TSHZ1: variants seen among roughly 807,000 people sequenced by gnomAD.
TSHZ1 encodes the protein teashirt zinc finger homeobox 1.
TSHZ1 carries 12 observed loss-of-function variants against 67.1 expected under a neutral mutation model. That is an observed-to-expected ratio of 0.18 (90% CI 0.11 to 0.29). The LOEUF is 0.29. TSHZ1 is among the 10% of genes least tolerant of loss of function. The pLI is 1.00. For missense variants in TSHZ1, 1,305 were observed against 1,413.9 expected (o/e 0.92, Z 1.23); for synonymous variants, 632 against 622.4 (o/e 1.02, Z -0.23).
chr18:75,232,872 G>T (rs1053823559), intron 1 of TSHZ1, among the ~76,000 whole-genome samples: 1 of 152,254 alleles, frequency 6.6e-6, no homozygotes, highest in Non-Finnish European at 1.5e-5. Context: ...CAATACTTGG[G>T]TGAGGAAAGA....
rs1421199553 is a variant in TSHZ1 at position 75,211,382 on chromosome 18, C to T, written c.-495C>T. Reference sequence around the variant, plus strand: ...CGACCCGCGCACTAAAAACACTCGCCGCGACCCCCAAACAGCGAGGAGAGA... The same window carrying T: ...CGACCCGCGCACTAAAAACACTCGCTGCGACCCCCAAACAGCGAGGAGAGA... On this transcript the variant is annotated 5_prime_UTR_variant, in exon 1 of 2. Transcript: ENST00000580243. The T allele has an allele frequency of 6.6e-6, 1 of 151,880 alleles. No individual in the cohort carries two copies. Among genetic ancestry groups the T allele is most frequent in the African/African-American group, 2.4e-5 (1 of 41,376 alleles). 9.4% of individuals were successfully genotyped at this position (151,880 alleles called of 1,614,324 possible).
chr18:75,242,808 A>G (rs1414128561), intron 1 of TSHZ1, among the ~76,000 whole-genome samples: 1 of 152,236 alleles, frequency 6.6e-6, no homozygotes, highest in African/African-American at 2.4e-5. Flanking sequence ...GCCATAATGC[A>G]TGGTGTTTCC....
rs1441606506 is a variant in TSHZ1, at chr18:75,230,715, G to A, written c.40+18799G>A. The stretch of plus-strand genomic sequence containing the variant: ...ATGCGTGCGAAATTAAAGAGACGTC[G>A]TCTTCTTCCCCGATTCCCCTGACTT... On this transcript the variant is annotated intron_variant, in intron 1 of 1. Transcript: ENST00000580243. Among the ~76,000 whole-genome samples the A allele has an allele frequency of 2.6e-5, 4 of 152,258 alleles. No individual in the cohort carries two copies. In the South Asian group the frequency reaches 6.2e-4, roughly 24 times the overall value.
intron 1 of TSHZ1, among the ~76,000 whole-genome samples, chr18:75,275,732 CTG>C (rs1296925332): frequency 6.6e-6 from 1 of 152,156 alleles, no homozygotes; most frequent in African/African-American, 2.4e-5. Flanking sequence ...GGGGTAAAAA[CTG>C]AAATCGGCTG....
intron 1 of TSHZ1, among the ~76,000 whole-genome samples, chr18:75,244,309 G>A (rs749246848): frequency 4.6e-5 from 7 of 152,222 alleles, no homozygotes; most frequent in Non-Finnish European, 1.0e-4. Context: ...TATTCACACC[G>A]TAAAGTGGTG....
At chr18:75,213,907 G>A (rs2022732245) in intron 1 of TSHZ1, among the ~76,000 whole-genome samples, 1 of 152,206 alleles carries the variant, frequency 6.6e-6, no homozygotes, top group Admixed American at 6.5e-5. Flanking sequence ...TGAGTCATCT[G>A]CTGTACAGGA....
At chr18:75,222,225 CT>C (rs11365940) in intron 1 of TSHZ1, among the ~76,000 whole-genome samples, 22,076 of 138,870 alleles carry the variant, frequency 0.16, 2,289 homozygotes, top group African/African-American at 0.31. Flanking sequence ...AGTTGCCTGA[CT>C]TTTTTTTTTT....
intron 1 of TSHZ1, among the ~76,000 whole-genome samples, chr18:75,212,217 G>A (rs2022705792): frequency 6.6e-6 from 1 of 152,346 alleles, no homozygotes; most frequent in East Asian, 1.9e-4. Context: ...TACCTCAGGA[G>A]GGGGCGTGCG....
chr18:75,250,146 G>A (rs955241853), intron 1 of TSHZ1, among the ~76,000 whole-genome samples: 1 of 150,678 alleles, frequency 6.6e-6, no homozygotes, highest in African/African-American at 2.4e-5. Context: ...AGTAGGTGGG[G>A]GGTGACTTCC....
chr18:75,226,110 T>C (rs965589371), intron 1 of TSHZ1, among the ~76,000 whole-genome samples: 1 of 152,226 alleles, frequency 6.6e-6, no homozygotes, highest in Non-Finnish European at 1.5e-5. Context: ...CTTACAAATA[T>C]AAACATTATA....
intron 1 of TSHZ1, among the ~76,000 whole-genome samples, chr18:75,260,663 G>A (rs373863627): frequency 6.6e-6 from 1 of 152,204 alleles, no homozygotes; most frequent in East Asian, 1.9e-4. Flanking sequence ...CAGAGTTGGG[G>A]AGGTGAGGGG....
At chr18:75,232,945 C>T (rs2023019514) in intron 1 of TSHZ1, among the ~76,000 whole-genome samples, 1 of 152,236 alleles carries the variant, frequency 6.6e-6, no homozygotes, top group Admixed American at 6.5e-5. Flanking sequence ...TAGGAAGACT[C>T]TTCCAATTCT....
intron 1 of TSHZ1, among the ~76,000 whole-genome samples, chr18:75,238,822 T>C (rs1312575980): frequency 2.6e-5 from 4 of 152,212 alleles, no homozygotes; most frequent in Admixed American, 2.6e-4. Flanking sequence ...AAAAAATAAC[T>C]TGATTTTTAA....
chr18:75,224,664 A>T (rs912859127), intron 1 of TSHZ1, among the ~76,000 whole-genome samples: 2 of 152,074 alleles, frequency 1.3e-5, no homozygotes, highest in Non-Finnish European at 2.9e-5. Flanking sequence ...TTTGGACTCG[A>T]TTTGGAGCCT....
Position 75,249,863 on chromosome 18 carries a change from C to T in TSHZ1, c.41-35585C>T, listed in dbSNP as rs1427672897. ...TAGTAGGCGGGGCGGGGGTGACTTC[C>T]TCCTCCCTGCCTCACCCCTGCAGTT... On this transcript the variant is annotated intron_variant, in intron 1 of 1. Transcript: ENST00000580243. Among the ~76,000 whole-genome samples, 4 of 151,372 alleles carry T rather than the reference C, an allele frequency of 2.6e-5. 1 individual carries two copies. The highest frequency in any genetic ancestry group is 5.9e-5 in the Non-Finnish European group (4 of 67,778).
At chr18:75,238,755 T>C (rs1397655983) in intron 1 of TSHZ1, among the ~76,000 whole-genome samples, 1 of 152,224 alleles carries the variant, frequency 6.6e-6, no homozygotes, top group Non-Finnish European at 1.5e-5. Flanking sequence ...TTGTTTAGTA[T>C]GAGAAAGAAA....
intron 1 of TSHZ1, among the ~76,000 whole-genome samples, chr18:75,244,873 T>A (rs1304361293): frequency 6.6e-6 from 1 of 152,182 alleles, no homozygotes; most frequent in Non-Finnish European, 1.5e-5. Context: ...CACGACCGTT[T>A]GACCGAATTC....
At chr18:75,276,049 G>T (rs1175272673) in intron 1 of TSHZ1, among the ~76,000 whole-genome samples, 1 of 152,094 alleles carries the variant, frequency 6.6e-6, no homozygotes, top group Non-Finnish European at 1.5e-5. Context: ...TAAGTACATT[G>T]TTGACAAACT....
chr18:75,242,342 G>A (rs2023166896), intron 1 of TSHZ1, among the ~76,000 whole-genome samples: 1 of 152,228 alleles, frequency 6.6e-6, no homozygotes, highest in Non-Finnish European at 1.5e-5. Flanking sequence ...GGTCCCAGCA[G>A]GGAGTCATCG....
Sources: allele counts gnomAD v4.1 joint callset (sites outside exome capture counted in the v4.1 genomes callset), GRCh38; gene constraint gnomAD v4.1.1; transcripts MANE v1.5; gene names NCBI Gene and HGNC (gene_info 2026-07-23, HGNC 2026-07-21).